Variants in IL10RB observed in about 807,000 individuals in gnomAD.
IL10RB encodes the protein interleukin 10 receptor subunit beta.
Under a neutral mutation model 38.7 loss-of-function variants are expected in IL10RB, and 30 were observed. The ratio of observed to expected loss-of-function variants is 0.78; its 90% CI spans 0.58 to 1.05. IL10RB has a LOEUF of 1.05. Ranked by LOEUF, IL10RB falls within the 50% of genes least tolerant of loss-of-function variation. The pLI, the probability that IL10RB is intolerant of heterozygous loss-of-function variation, is 0.00. For missense variants in IL10RB, 328 were observed against 397.1 expected (o/e 0.83, Z 1.48); for synonymous variants, 142 against 145.9 (o/e 0.97, Z 0.19).
intron 1 of IL10RB, 112 bp from the exon 2 acceptor site, chr21:33,268,282 G>A: frequency 6.3e-7 from 1 of 1,576,642 alleles, no homozygotes; most frequent in Non-Finnish European, 8.6e-7. Flanking sequence ...TCACCCACGT[G>A]GCCTTTGAAG....
intron 6 of IL10RB, chr21:33,293,934 A>G (rs1989539180): frequency 2.1e-6 from 1 of 469,094 alleles, no homozygotes; most frequent in Non-Finnish European, 4.4e-6. Flanking sequence ...TGCTTGGGTA[A>G]AAGGTGTTGT....
At chr21:33,304,041 A>G (rs2082992508) in intron 1 of IL10RB, among the ~76,000 whole-genome samples, 1 of 152,214 alleles carries the variant, frequency 6.6e-6, no homozygotes, top group Non-Finnish European at 1.5e-5. Flanking sequence ...CTGATGGGGC[A>G]GTGCCAGAGC....
At chr21:33,302,724 C>G (rs2082988974) in intron 1 of IL10RB, among the ~76,000 whole-genome samples, 2 of 152,080 alleles carry the variant, frequency 1.3e-5, no homozygotes, top group Non-Finnish European at 1.5e-5. Context: ...AGAAGTGTGA[C>G]AGTGTCTGGA....
exon 2 of IL10RB, chr21:33,309,532 C>A (rs2734722): frequency 6.6e-6 from 1 of 152,124 alleles, no homozygotes; most frequent in Non-Finnish European, 1.5e-5. Flanking sequence ...ACAATTTATA[C>A]TACTAAACAA....
chr21:33,302,610 A>G (rs888443755), intron 1 of IL10RB, among the ~76,000 whole-genome samples: 1 of 152,230 alleles, frequency 6.6e-6, no homozygotes, highest in Admixed American at 6.5e-5. Flanking sequence ...TGATGACAAT[A>G]AAGTCTAGAC....
intron 6 of IL10RB, among the ~76,000 whole-genome samples, chr21:33,292,489 G>A (rs1447955502): frequency 6.6e-6 from 1 of 152,080 alleles, no homozygotes. Flanking sequence ...ACAGGAGTCC[G>A]AGCCACCTGC....
chr21:33,277,673 T>C (rs1419276836), intron 3 of IL10RB, among the ~76,000 whole-genome samples: 3 of 139,782 alleles, frequency 2.1e-5, no homozygotes, highest in African/African-American at 8.0e-5. Context: ...TCTTTCTTTT[T>C]TTTTTTTTTT....
chr21:33,274,491 A>C (rs1292937143), intron 2 of IL10RB, among the ~76,000 whole-genome samples: 1 of 152,174 alleles, frequency 6.6e-6, no homozygotes, highest in Non-Finnish European at 1.5e-5. Flanking sequence ...ATATTTCTTA[A>C]ATAATAAGAT....
chr21:33,306,621 C>T (rs1601842446), intron 1 of IL10RB, among the ~76,000 whole-genome samples: 4 of 152,138 alleles, frequency 2.6e-5, no homozygotes, highest in East Asian at 1.9e-4. Flanking sequence ...CAGCCTGGAC[C>T]CCACTGGGAC....
intron 2 of IL10RB, 58 bp downstream of exon 2, chr21:33,268,575 C>A (rs777329709): frequency 2.4e-6 from 3 of 1,264,956 alleles, no homozygotes; most frequent in South Asian, 2.4e-5. Context: ...CTGGGCTGGT[C>A]ACTGGGTTGG....
intron 5 of IL10RB, among the ~76,000 whole-genome samples, chr21:33,286,474 G>A (rs1989377257): frequency 6.6e-6 from 1 of 152,148 alleles, no homozygotes; most frequent in South Asian, 2.1e-4. Context: ...GAGCAACCCA[G>A]GTGACATCCT....
intron 2 of IL10RB, among the ~76,000 whole-genome samples, chr21:33,272,233 G>C (rs1989095200): frequency 6.6e-6 from 1 of 152,142 alleles, no homozygotes; most frequent in Non-Finnish European, 1.5e-5. Context: ...AGACTATGAA[G>C]TCAAACAGAT....
chr21:33,273,488 G>A (rs1240854101), intron 2 of IL10RB, among the ~76,000 whole-genome samples: 1 of 152,154 alleles, frequency 6.6e-6, no homozygotes, highest in African/African-American at 2.4e-5. Context: ...CCTTTTGCTC[G>A]TGGAGCATCT....
intron 2 of IL10RB, among the ~76,000 whole-genome samples, chr21:33,272,314 T>C (rs1989096677): frequency 6.6e-6 from 1 of 152,180 alleles, no homozygotes; most frequent in Non-Finnish European, 1.5e-5. Flanking sequence ...ATGTTGGCTG[T>C]TGTTATTTTT....
downstream of IL10RB, among the ~76,000 whole-genome samples, chr21:33,302,194 C>T (rs116315158): frequency 0.017 from 2,580 of 152,330 alleles, 85 homozygotes; most frequent in African/African-American, 0.059. Context: ...CCAACAGCAA[C>T]AGGGTGAGGC....
rs575511098 is a variant in IL10RB at position 33,283,007 on chromosome 21, G to T, written c.499-87G>T. The T allele has an allele frequency of 4.7e-6, 5 of 1,071,502 alleles. No homozygotes were observed. In the African/African-American group the frequency reaches 7.8e-5, roughly 17 times the overall value. The allele number at this position is 1,071,502 out of a possible 1,614,324, so 66.4% of individuals were successfully genotyped here. Reference sequence around the variant, plus strand: ...CTCCTTCCTATTTTAAGTCTAAAACGGCTATTATCACTGATAAATGTGAAA... The same window carrying T: ...CTCCTTCCTATTTTAAGTCTAAAACTGCTATTATCACTGATAAATGTGAAA... On this transcript the variant is annotated intron_variant, in intron 4 of 6. Coordinates refer to ENST00000290200, the MANE Select transcript of IL10RB (RefSeq NM_000628.5).
chr21:33,288,248 A>G lies in IL10RB; in HGVS notation c.791A>G (p.Gln264Arg), dbSNP rs1989413983. Residue 264 changes from glutamine (Q) to arginine (R), a missense_variant, in exon 6 of 7, where the codon CAG (glutamine) becomes CGG (arginine). Coordinates refer to ENST00000290200, the MANE Select transcript of IL10RB (RefSeq NM_000628.5). ...YAFSPRNSLP[Q>R]HLKEFLGHPH... ...TTCTCCCCTAGGAATTCTCTTCCAC[A>G]GCACCTGAAAGAGGTAGGTAGGATG... The G allele has an allele frequency of 1.9e-6, 3 of 1,613,958 alleles. No homozygotes were observed. The highest frequency in any genetic ancestry group is 2.5e-6 in the Non-Finnish European group (3 of 1,179,832).
At chr21:33,299,525 T>TGC (rs1321136296), downstream of IL10RB, among the ~76,000 whole-genome samples, 3 of 152,140 alleles carry the variant, frequency 2.0e-5, no homozygotes, top group Non-Finnish European at 4.4e-5. Flanking sequence ...GTTGAAAATA[T>TGC]CTCACTTCCT....
At chr21:33,267,597 C>T (rs1453442418) in intron 1 of IL10RB, among the ~76,000 whole-genome samples, 4 of 150,512 alleles carry the variant, frequency 2.7e-5, no homozygotes, top group African/African-American at 4.9e-5. Flanking sequence ...CTCACTGCCA[C>T]CTCCGCCTCC....
Sources: gnomAD v4.1 joint callset for allele counts (sites outside exome capture counted in the v4.1 genomes callset) on GRCh38, gnomAD v4.1.1 for gene constraint, MANE v1.5 for transcripts, NCBI Gene and HGNC (gene_info 2026-07-23, HGNC 2026-07-21) for gene names.